The following ADCY1 variants were observed in gnomAD, a reference collection of about 807,000 sequenced individuals.
The protein encoded by ADCY1 is adenylate cyclase type 1.
A neutral mutation model predicts 105.4 loss-of-function variants in ADCY1; 28 were observed. The observed-to-expected ratio is 0.27, with a 90% CI of 0.20 to 0.36. The LOEUF (loss-of-function observed/expected upper bound fraction) is 0.36, where lower values mean the gene tolerates loss of function less well. ADCY1 is among the 10% of genes least tolerant of loss of function. The probability of loss-of-function intolerance (pLI) is 1.00; values close to 1 mark genes in which losing one functional copy is unlikely to be tolerated. For missense variants in ADCY1, 977 were observed against 1,434.2 expected (o/e 0.68, Z 5.15); for synonymous variants, 655 against 623.8 (o/e 1.05, Z -0.75).
At chr7:45,590,223 C>G (rs553366260) in intron 1 of ADCY1, among the ~76,000 whole-genome samples, 11 of 152,060 alleles carry the variant, frequency 7.2e-5, no homozygotes, top group Non-Finnish European at 1.2e-4. Context: ...TCCCCACCCC[C>G]CCATGGACTC....
chr7:45,610,343 C>T, intron 2 of ADCY1, 36 bp from the exon 3 acceptor site: 2 of 1,580,298 alleles, frequency 1.3e-6, no homozygotes, highest in Non-Finnish European at 1.7e-6. Context: ...GGGAGGGGGC[C>T]CTGCTGTCTA....
chr7:45,679,837 C>A, intron 11 of ADCY1, 44 bp downstream of exon 11: 2 of 1,602,760 alleles, frequency 1.2e-6, no homozygotes, highest in Non-Finnish European at 8.5e-7. Flanking sequence ...TCACCTGGTT[C>A]ATGTATGTGA....
intron 5 of ADCY1, among the ~76,000 whole-genome samples, chr7:45,651,500 C>A (rs1029475197): frequency 1.3e-5 from 2 of 152,170 alleles, no homozygotes; most frequent in African/African-American, 2.4e-5. Flanking sequence ...TTATTTGAAA[C>A]TTTGGAAATA....
chr7:45,650,605 G>A (rs1364582580), intron 5 of ADCY1, among the ~76,000 whole-genome samples: 1 of 152,084 alleles, frequency 6.6e-6, no homozygotes, highest in Non-Finnish European at 1.5e-5. Flanking sequence ...CTTGAAGGTT[G>A]GTGACCCTGA....
In ADCY1 at chr7:45,715,489, T is replaced by C. The variant is rs1192045521; in HGVS notation, c.*1494T>C. ...TCCTGAGGGCCCCGACTTTTCAGAA[T>C]AGGAGCAGAGAGAAGCCCAGACTTC... On this transcript the variant is annotated 3_prime_UTR_variant, in exon 20 of 20. Transcript: ENST00000297323. The C allele has an allele frequency of 6.6e-6, 1 of 152,342 alleles. No homozygotes were observed. The highest frequency in any genetic ancestry group is 6.5e-5 in the Admixed American group (1 of 15,282). The allele number at this position is 152,342 out of a possible 1,614,324, so 9.4% of individuals were successfully genotyped here. A position where few individuals can be genotyped will look rare whatever the true frequency, so the allele number is the denominator to read the frequency against.
chr7:45,698,352 A>G (rs1381975887), intron 14 of ADCY1, among the ~76,000 whole-genome samples: 1 of 152,240 alleles, frequency 6.6e-6, no homozygotes, highest in African/African-American at 2.4e-5. Context: ...TAAAATTAAG[A>G]TTTCTCTTTA....
chr7:45,681,879 C>T (rs1487332882), intron 11 of ADCY1, among the ~76,000 whole-genome samples: 1 of 152,064 alleles, frequency 6.6e-6, no homozygotes, highest in East Asian at 1.9e-4. Flanking sequence ...TTGAGAAGGC[C>T]GGGTAGAAAT....
chr7:45,692,773 T>C lies in ADCY1; in HGVS notation c.2454+6100T>C, dbSNP rs113546069. On this transcript the variant is annotated intron_variant, in intron 14 of 19. Coordinates refer to ENST00000297323, the MANE Select transcript of ADCY1 (RefSeq NM_021116.4). The stretch of plus-strand genomic sequence containing the variant: ...TTGATCGTAGTAGTTATGCAATGTA[T>C]ACATATAGGAAACCATCACATTGCA... Among the ~76,000 whole-genome samples, 998 of 152,280 alleles carry C rather than the reference T, an allele frequency of 6.6e-3. 6 individuals carry two copies. Among genetic ancestry groups the C allele is most frequent in the African/African-American group, 0.023 (949 of 41,560 alleles).
rs772958794 is a variant in ADCY1, at chr7:45,686,509, C to T, written c.2328-38C>T. ...GTGGCAGAGTCTTGCCCTGGAAGCTCGGCACTGACTTGGCTTTTCTTCCTC... is the reference window on the plus strand; with the variant it reads ...GTGGCAGAGTCTTGCCCTGGAAGCTTGGCACTGACTTGGCTTTTCTTCCTC... On this transcript the variant is annotated intron_variant, in intron 13 of 19. Coordinates refer to ENST00000297323, the MANE Select transcript of ADCY1 (RefSeq NM_021116.4). This position sits in a 1 kb window ranked among gnomAD's most constrained non-coding sequence, Gnocchi z 4.3. The T allele has an allele frequency of 4.4e-6, 7 of 1,583,926 alleles. No homozygotes were observed. The highest frequency in any genetic ancestry group is 3.5e-5 in the South Asian group (3 of 85,784).
At chr7:45,650,221 C>T (rs563394068) in intron 5 of ADCY1, among the ~76,000 whole-genome samples, 132 of 152,252 alleles carry the variant, frequency 8.7e-4, no homozygotes, top group Non-Finnish European at 1.5e-3. Context: ...ACATATATCA[C>T]ATATCACATA....
At chr7:45,606,858 G>A (rs532579584) in intron 2 of ADCY1, among the ~76,000 whole-genome samples, 1 of 152,170 alleles carries the variant, frequency 6.6e-6, no homozygotes, top group East Asian at 1.9e-4. Context: ...TTGATTTCTG[G>A]CTATTTAAAT....
intron 2 of ADCY1, among the ~76,000 whole-genome samples, chr7:45,596,196 G>A (rs1362486188): frequency 2.0e-5 from 3 of 152,272 alleles, no homozygotes; most frequent in Non-Finnish European, 2.9e-5. Flanking sequence ...TTACCATGTG[G>A]CTAGTCGTGA....
chr7:45,690,373 C>T (rs1361587129), intron 14 of ADCY1, among the ~76,000 whole-genome samples: 1 of 152,122 alleles, frequency 6.6e-6, no homozygotes, highest in Non-Finnish European at 1.5e-5. Context: ...GGGGCAGCCA[C>T]AGTGGGAATG....
chr7:45,586,097 C>T (rs891546103), intron 1 of ADCY1, among the ~76,000 whole-genome samples: 2 of 152,140 alleles, frequency 1.3e-5, no homozygotes, highest in South Asian at 4.1e-4. Flanking sequence ...TCCTCACTTT[C>T]CTGCTGGTGT....
chr7:45,706,148 A>T (rs1337002226), intron 17 of ADCY1, among the ~76,000 whole-genome samples: 1 of 152,194 alleles, frequency 6.6e-6, no homozygotes, highest in Non-Finnish European at 1.5e-5. Context: ...ATTTAACACA[A>T]GTCCAATCGG....
At chr7:45,670,331 A>G (rs1007626561) in intron 8 of ADCY1, among the ~76,000 whole-genome samples, 3 of 152,212 alleles carry the variant, frequency 2.0e-5, no homozygotes, top group Admixed American at 1.3e-4. Flanking sequence ...ACAGCCCAGG[A>G]CTGTGATTTA....
At chr7:45,657,909 G>C in intron 6 of ADCY1, 24 bp downstream of exon 6, 1 of 1,558,148 alleles carries the variant, frequency 6.4e-7, no homozygotes, top group Non-Finnish European at 8.7e-7. Context: ...GGGGTGGGGA[G>C]GGGAGGGAGG....
intron 5 of ADCY1, among the ~76,000 whole-genome samples, chr7:45,651,600 G>A (rs189570505): frequency 8.6e-4 from 131 of 152,228 alleles, no homozygotes; most frequent in African/African-American, 3.1e-3. Flanking sequence ...CACTGATTCT[G>A]TTTGCTCCCC....
intron 5 of ADCY1, among the ~76,000 whole-genome samples, chr7:45,651,688 C>G (rs1794815466): frequency 6.6e-6 from 1 of 152,178 alleles, no homozygotes; most frequent in East Asian, 1.9e-4. Flanking sequence ...TCCAGAAAGC[C>G]CTTCCCATCT....
Sources: allele counts gnomAD v4.1 joint callset (sites outside exome capture counted in the v4.1 genomes callset), GRCh38; gene constraint gnomAD v4.1.1; non-coding constraint Gnocchi (gnomAD v3.1); transcripts MANE v1.5; gene names NCBI Gene and HGNC (gene_info 2026-07-23, HGNC 2026-07-21).